GPR39: variants seen among roughly 807,000 people sequenced by gnomAD.
GPR39 encodes zinc sensing receptor.
In GPR39, 23 loss-of-function variants were observed where a neutral mutation model predicts 18.4. That is an observed-to-expected ratio of 1.25 (90% CI 0.90 to 1.77). The LOEUF is 1.77. Ranked by LOEUF, GPR39 falls within the 40% of genes most tolerant of loss-of-function variation. GPR39 has a pLI of 0.00. For synonymous variants in GPR39, 280 were observed against 257.9 expected, an observed-to-expected ratio of 1.09 and a Z score of -0.82; for missense variants, 647 against 602.4, an observed-to-expected ratio of 1.07 and a Z score of -0.78.
chr2:132,465,062 A>T (rs1680902862), intron 1 of GPR39, among the ~76,000 whole-genome samples: 1 of 152,198 alleles, frequency 6.6e-6, no homozygotes, highest in Admixed American at 6.5e-5. Flanking sequence ...ATTTGTTTGG[A>T]TTTGAGACAT....
intron 1 of GPR39, among the ~76,000 whole-genome samples, chr2:132,467,497 C>A (rs1328239875): frequency 6.6e-6 from 1 of 152,032 alleles, no homozygotes; most frequent in African/African-American, 2.4e-5. Flanking sequence ...ATTCATACCC[C>A]AAACCTCAGT....
intron 1 of GPR39, among the ~76,000 whole-genome samples, chr2:132,447,840 ACT>A (rs1445434420): frequency 1.3e-5 from 2 of 152,134 alleles, no homozygotes; most frequent in Non-Finnish European, 2.9e-5. Context: ...TCAAATTCTG[ACT>A]CTCCAAATAT....
At chr2:132,623,617 T>C (rs937017028) in intron 1 of GPR39, among the ~76,000 whole-genome samples, 2 of 152,216 alleles carry the variant, frequency 1.3e-5, no homozygotes, top group African/African-American at 4.8e-5. Flanking sequence ...GGCTCCTCAC[T>C]AACTAGCTGT....
rs1417363688 is a variant in GPR39 at position 132,478,657 on chromosome 2, T to C, written c.856+60759T>C. ...TCTTCCAGTAAATCTAAATTAAATG[T>C]ATTCTTGTGAATTCTAATTTCAAGT... is the stretch of plus-strand genomic sequence containing the variant. On this transcript the variant is annotated intron_variant, in intron 1 of 1. Transcript: ENST00000329321. Among the ~76,000 whole-genome samples the C allele has an allele frequency of 2.6e-5, 4 of 152,242 alleles. No homozygotes were observed. The East Asian group carries it at 7.7e-4, about 29-fold the overall frequency.
intron 1 of GPR39, among the ~76,000 whole-genome samples, chr2:132,589,964 C>T (rs913855454): frequency 4.6e-5 from 7 of 152,180 alleles, no homozygotes; most frequent in Non-Finnish European, 1.0e-4. Context: ...TTCTCAGTAA[C>T]CCCCATGAAT....
At chr2:132,626,088 A>C (rs541687905) in intron 1 of GPR39, among the ~76,000 whole-genome samples, 62 of 149,126 alleles carry the variant, frequency 4.2e-4, no homozygotes, top group African/African-American at 1.4e-3. Context: ...CGACAGAGCG[A>C]GACTCCATCT....
chr2:132,576,090 G>A (rs76854511), intron 1 of GPR39, among the ~76,000 whole-genome samples: 2,240 of 152,226 alleles, frequency 0.015, 59 homozygotes, highest in African/African-American at 0.051. Context: ...CCACCCAACC[G>A]ATGGCATTTT....
intron 1 of GPR39, among the ~76,000 whole-genome samples, chr2:132,601,881 CT>C (rs920840402): frequency 6.6e-6 from 1 of 151,848 alleles, no homozygotes; most frequent in Non-Finnish European, 1.5e-5. Flanking sequence ...GCAATGAAAA[CT>C]ACAAAACACT....
intron 1 of GPR39, chr2:132,606,337 C>T (rs1450208194): frequency 6.6e-6 from 1 of 152,184 alleles, no homozygotes; most frequent in African/African-American, 2.4e-5. Context: ...TGAAATAAAA[C>T]ATACCAAGTG....
At chr2:132,418,377 C>T (rs1180650990) in intron 1 of GPR39, 1 of 155,882 alleles carries the variant, frequency 6.4e-6, no homozygotes, top group Non-Finnish European at 1.4e-5. Context: ...TTTTTCTCCT[C>T]CTTTGGAGAA....
Position 132,592,259 on chromosome 2 carries a change from C to T in GPR39, c.857-52842C>T, listed in dbSNP as rs556673668. Among the ~76,000 whole-genome samples, 15 of 152,182 alleles carry T rather than the reference C, an allele frequency of 9.9e-5. 1 individual carries two copies. The highest frequency in any genetic ancestry group is 4.2e-4 in the South Asian group (2 of 4,812). ...GGGAGTGAAACTGTAGAGAGTGTGT[C>T]GGCAAGGGTGCACTGAGACAGTGAC... On this transcript the variant is annotated intron_variant, in intron 1 of 1. Coordinates refer to ENST00000329321, the MANE Select transcript of GPR39 (RefSeq NM_001508.3).
chr2:132,533,247 T>C (rs1163902838), intron 1 of GPR39, among the ~76,000 whole-genome samples: 1 of 152,132 alleles, frequency 6.6e-6, no homozygotes, highest in Admixed American at 6.6e-5. Flanking sequence ...CATTCACAAT[T>C]GCTTCAAAGA....
intron 1 of GPR39, among the ~76,000 whole-genome samples, chr2:132,521,286 T>C (rs924362238): frequency 1.3e-5 from 2 of 152,208 alleles, no homozygotes; most frequent in East Asian, 1.9e-4. Flanking sequence ...GTTCTGTGAA[T>C]AGCGAAAGAA....
At chr2:132,590,345 C>T (rs3115005) in intron 1 of GPR39, among the ~76,000 whole-genome samples, 60,098 of 151,896 alleles carry the variant, frequency 0.4, 13,903 homozygotes, top group African/African-American at 0.64. Context: ...GATACACACA[C>T]ACATGCTTAC....
At chr2:132,572,857 C>A (rs1000826918) in intron 1 of GPR39, among the ~76,000 whole-genome samples, 1 of 152,188 alleles carries the variant, frequency 6.6e-6, no homozygotes, top group Non-Finnish European at 1.5e-5. Flanking sequence ...TTTTATCCAA[C>A]CCTGAATCAT....
At chr2:132,543,332 C>G (rs557289191) in intron 1 of GPR39, among the ~76,000 whole-genome samples, 1 of 152,088 alleles carries the variant, frequency 6.6e-6, no homozygotes, top group East Asian at 1.9e-4. Context: ...CTTCCCTTAC[C>G]GTGTATGTGT....
At chr2:132,536,972 G>C (rs375981914) in intron 1 of GPR39, among the ~76,000 whole-genome samples, 25 of 152,280 alleles carry the variant, frequency 1.6e-4, no homozygotes, top group African/African-American at 6.0e-4. Context: ...CCCTGCATGT[G>C]AGATGGGTCT....
At chr2:132,561,593 C>T (rs920343159) in intron 1 of GPR39, among the ~76,000 whole-genome samples, 7 of 151,750 alleles carry the variant, frequency 4.6e-5, no homozygotes, top group Non-Finnish European at 8.8e-5. Context: ...CACACACACA[C>T]ACACACACAC....
intron 1 of GPR39, among the ~76,000 whole-genome samples, chr2:132,539,420 G>A (rs3115034): frequency 0.019 from 2,937 of 152,090 alleles, 101 homozygotes; most frequent in African/African-American, 0.068. Flanking sequence ...ACCTTAGTTC[G>A]GAATGCAGAA....
Sources: allele counts gnomAD v4.1 joint callset (sites outside exome capture counted in the v4.1 genomes callset), GRCh38; gene constraint gnomAD v4.1.1; transcripts MANE v1.5; gene names NCBI Gene and HGNC (gene_info 2026-07-23, HGNC 2026-07-21).